Variants in PAPPA observed in about 807,000 individuals in gnomAD.
PAPPA encodes pappalysin-1.
Under a neutral mutation model 164.0 loss-of-function variants are expected in PAPPA, and 60 were observed. That is an observed-to-expected ratio of 0.37 (90% CI 0.30 to 0.45). The LOEUF (loss-of-function observed/expected upper bound fraction) is 0.45. PAPPA is among the 20% of genes least tolerant of loss of function. The probability of loss-of-function intolerance (pLI) is 1.00; values close to 1 mark genes in which losing one functional copy is unlikely to be tolerated. For synonymous variants in PAPPA, 875 were observed against 814.1 expected, an observed-to-expected ratio of 1.07 and a Z score of -1.27; for missense variants, 1,782 against 2,087.3, an observed-to-expected ratio of 0.85 and a Z score of 2.85.
intron 10 of PAPPA, chr9:116,318,636 C>T (rs1485091165): frequency 1.3e-5 from 2 of 152,160 alleles, no homozygotes; most frequent in Non-Finnish European, 2.9e-5. Flanking sequence ...GTGAAGTCAC[C>T]CACGGACCAT....
At chr9:116,308,759 G>C (rs1022079840) in intron 10 of PAPPA, among the ~76,000 whole-genome samples, 2 of 152,176 alleles carry the variant, frequency 1.3e-5, no homozygotes, top group African/African-American at 4.8e-5. Context: ...ATTTTTGCCT[G>C]CTGCTAAGAT....
intron 10 of PAPPA, chr9:116,316,263 G>C (rs1352962708): frequency 6.6e-6 from 1 of 152,184 alleles, no homozygotes; most frequent in African/African-American, 2.4e-5. Context: ...GTTTATGAAG[G>C]GTTCAAGGCC....
intron 3 of PAPPA, among the ~76,000 whole-genome samples, chr9:116,210,378 C>T (rs545698609): frequency 6.6e-5 from 10 of 152,268 alleles, no homozygotes; most frequent in South Asian, 2.1e-4. Flanking sequence ...TGAGCAAGCA[C>T]ACCATTCCAG....
At chr9:116,337,598 C>G (rs1357516177) in intron 13 of PAPPA, among the ~76,000 whole-genome samples, 1 of 151,680 alleles carries the variant, frequency 6.6e-6, no homozygotes, top group Non-Finnish European at 1.5e-5. Flanking sequence ...CTGTTTCTCC[C>G]CTCCCCTTCT....
intron 4 of PAPPA, among the ~76,000 whole-genome samples, chr9:116,212,727 A>C (rs1844323926): frequency 6.6e-6 from 1 of 152,202 alleles, no homozygotes. Flanking sequence ...GAAAGGAAGA[A>C]GTAAAGAAAG....
At chr9:116,267,152 A>G (rs1490590034) in intron 8 of PAPPA, among the ~76,000 whole-genome samples, 2 of 152,248 alleles carry the variant, frequency 1.3e-5, no homozygotes, top group Non-Finnish European at 2.9e-5. Context: ...CATATATGAA[A>G]GAGACACATT....
At chr9:116,219,866 C>T in intron 4 of PAPPA, 71 bp from the exon 5 acceptor site, 1 of 1,300,152 alleles carries the variant, frequency 7.7e-7, no homozygotes, top group Non-Finnish European at 1.1e-6. Context: ...CCGCCAGGAG[C>T]CGTCATTACT....
At chr9:116,331,710 C>G (rs554681097) in intron 11 of PAPPA, among the ~76,000 whole-genome samples, 1 of 152,132 alleles carries the variant, frequency 6.6e-6, no homozygotes, top group Non-Finnish European at 1.5e-5. Context: ...TGTTTGGTCG[C>G]TTGTTGGATG....
At chr9:116,374,169 GTT>G (rs1846616431) in intron 19 of PAPPA, among the ~76,000 whole-genome samples, 1 of 143,960 alleles carries the variant, frequency 6.9e-6, no homozygotes, top group South Asian at 2.4e-4. Context: ...TGGTGGTGGT[GTT>G]GATGATGATG....
In PAPPA at chr9:116,334,854, C is replaced by G; in HGVS notation, c.3398-7C>G. On this transcript the variant is annotated splice_region_variant and splice_polypyrimidine_tract_variant and intron_variant, in intron 12 of 21. Transcript: ENST00000328252. ...TGGCCCCTCGGCCCCTCTGTCTCCC[C>G]TGACAGGCCTCCATGTCCTGAGCTG... is the stretch of plus-strand genomic sequence containing the variant. 3 of 1,612,200 alleles carry G rather than the reference C, an allele frequency of 1.9e-6. No homozygotes were observed. Among genetic ancestry groups the G allele is most frequent in the Non-Finnish European group, 2.5e-6 (3 of 1,178,244 alleles).
At chr9:116,351,082 T>G (rs1252292695) in intron 15 of PAPPA, among the ~76,000 whole-genome samples, 3 of 152,210 alleles carry the variant, frequency 2.0e-5, no homozygotes, top group East Asian at 1.9e-4. Context: ...CTGCTTTTTC[T>G]TATAGTACTT....
At chr9:116,244,738 C>CTT (rs1402882604) in intron 7 of PAPPA, among the ~76,000 whole-genome samples, 2 of 152,166 alleles carry the variant, frequency 1.3e-5, no homozygotes, top group African/African-American at 4.8e-5. Flanking sequence ...AGTACAACCT[C>CTT]TATGGAAAAG....
intron 9 of PAPPA, among the ~76,000 whole-genome samples, chr9:116,294,346 C>G (rs1845475172): frequency 6.6e-6 from 1 of 152,172 alleles, no homozygotes; most frequent in Non-Finnish European, 1.5e-5. Flanking sequence ...TAGACCTAAT[C>G]AGCATCTGAA....
At chr9:116,302,728 C>G in intron 9 of PAPPA, 29 bp from the exon 10 acceptor site, 2 of 1,571,560 alleles carry the variant, frequency 1.3e-6, no homozygotes, top group Non-Finnish European at 1.7e-6. Flanking sequence ...TTTATTTATT[C>G]TCTCCCTTTC....
At chr9:116,307,551 A>G (rs1845662607) in intron 10 of PAPPA, among the ~76,000 whole-genome samples, 1 of 152,160 alleles carries the variant, frequency 6.6e-6, no homozygotes, top group Non-Finnish European at 1.5e-5. Context: ...GTGAGCCGAG[A>G]CGGTGCCATT....
intron 1 of PAPPA, among the ~76,000 whole-genome samples, chr9:116,181,894 T>C (rs1235363879): frequency 6.6e-6 from 1 of 152,264 alleles, no homozygotes; most frequent in Non-Finnish European, 1.5e-5. Context: ...TTTAGGTCCC[T>C]ACAGAAGAAT....
intron 19 of PAPPA, among the ~76,000 whole-genome samples, chr9:116,370,528 A>AGACT (rs10623106): frequency 0.4 from 60,620 of 151,844 alleles, 13,098 homozygotes; most frequent in South Asian, 0.58. Context: ...CACAAACATT[A>AGACT]GACTCTGCTT....
At chr9:116,226,935 T>C (rs113482017) in intron 5 of PAPPA, among the ~76,000 whole-genome samples, 1,703 of 152,326 alleles carry the variant, frequency 0.011, 36 homozygotes, top group African/African-American at 0.038. Context: ...TTAGGCATCA[T>C]TTAATCCAGC....
chr9:116,342,229 T>G (rs1263784293), intron 13 of PAPPA, among the ~76,000 whole-genome samples: 3 of 152,186 alleles, frequency 2.0e-5, no homozygotes, highest in Non-Finnish European at 4.4e-5. Context: ...TTCCTTCCCC[T>G]GGTGCTTACA....
Sources: gnomAD v4.1 joint callset for allele counts (sites outside exome capture counted in the v4.1 genomes callset) on GRCh38, gnomAD v4.1.1 for gene constraint, MANE v1.5 for transcripts, NCBI Gene and HGNC (gene_info 2026-07-23, HGNC 2026-07-21) for gene names.